Variants in KCNQ5 observed in about 807,000 individuals in gnomAD.
The protein encoded by KCNQ5 is potassium voltage-gated channel subfamily KQT member 5.
Under a neutral mutation model 98.2 loss-of-function variants are expected in KCNQ5, and 30 were observed. That is an observed-to-expected ratio of 0.31 (90% CI 0.23 to 0.41). The LOEUF is 0.41. Among genes scored for constraint, KCNQ5 ranks in the 10% least tolerant of loss-of-function variants. KCNQ5 has a pLI of 1.00. For missense variants in KCNQ5, 835 were observed against 1,182.5 expected (o/e 0.71, Z 4.31); for synonymous variants, 458 against 449.4 (o/e 1.02, Z -0.24).
chr6:73,187,656 TAAAAGA>T (rs1765427527), intron 11 of KCNQ5, among the ~76,000 whole-genome samples: 1 of 151,682 alleles, frequency 6.6e-6, no homozygotes, highest in Admixed American at 6.6e-5. Context: ...TGAAATAACA[TAAAAGA>T]TAATCAGTTT....
At chr6:72,830,904 C>A (rs1051066971) in intron 1 of KCNQ5, among the ~76,000 whole-genome samples, 1 of 151,216 alleles carries the variant, frequency 6.6e-6, no homozygotes, top group African/African-American at 2.4e-5. Context: ...AACAACCCCA[C>A]CAAAAAGTGG....
At chr6:72,930,874 C>G (rs568488803) in intron 1 of KCNQ5, among the ~76,000 whole-genome samples, 36 of 152,206 alleles carry the variant, frequency 2.4e-4, no homozygotes, top group Admixed American at 2.0e-3. Context: ...TGTCCTGTGT[C>G]TTAATACATT....
Position 73,197,681 on chromosome 6 carries a change from G to A in KCNQ5, c.*2267G>A, listed in dbSNP as rs1429166879. 6.7e-6 allele frequency: 1 copy of A among 148,800 alleles called. No individual in the cohort carries two copies. Among genetic ancestry groups the A allele is most frequent in the Non-Finnish European group, 1.5e-5 (1 of 68,120 alleles). The allele number at this position is 148,800 out of a possible 1,614,324, so 9.2% of individuals were successfully genotyped here. ...TAAAGCCAGACACCTGCCGTGACTG[G>A]GCAGGCTCTCTCCCATTATTAACAG... On this transcript the variant is annotated 3_prime_UTR_variant, in exon 14 of 14. Transcript: ENST00000370398.
chr6:72,776,619 A>G lies in KCNQ5; in HGVS notation c.398+154032A>G, dbSNP rs1040770956. ...GATTAGTTCAGCTCCTTAACTTCAC[A>G]TGAAATAACTGAGTGCCAGAGAATT... is the stretch of plus-strand genomic sequence containing the variant. On this transcript the variant is annotated intron_variant, in intron 1 of 13. Coordinates refer to ENST00000370398, the MANE Select transcript of KCNQ5 (RefSeq NM_019842.4). Among the ~76,000 whole-genome samples the G allele has an allele frequency of 1.1e-4, 16 of 152,218 alleles. 1 individual carries two copies. Among genetic ancestry groups the G allele is most frequent in the African/African-American group, 3.6e-4 (15 of 41,470 alleles).
intron 5 of KCNQ5, among the ~76,000 whole-genome samples, chr6:73,095,729 C>G (rs545645167): frequency 6.6e-6 from 1 of 152,086 alleles, no homozygotes; most frequent in African/African-American, 2.4e-5. Flanking sequence ...TTCCAGACTC[C>G]GGGCTGGCAC....
chr6:72,703,553 T>TA (rs911941429), intron 1 of KCNQ5, among the ~76,000 whole-genome samples: 18 of 152,216 alleles, frequency 1.2e-4, no homozygotes, highest in Admixed American at 2.0e-4. Context: ...AACCATTTCT[T>TA]AAAAAATGTT....
intron 1 of KCNQ5, among the ~76,000 whole-genome samples, chr6:72,703,126 A>G (rs759569707): frequency 2.6e-5 from 4 of 152,210 alleles, no homozygotes; most frequent in Non-Finnish European, 4.4e-5. Flanking sequence ...AGCTTTTATT[A>G]GAGCAGACTA....
intron 5 of KCNQ5, among the ~76,000 whole-genome samples, chr6:73,100,761 G>A (rs1043232863): frequency 2.0e-5 from 3 of 151,740 alleles, no homozygotes; most frequent in South Asian, 2.1e-4. Context: ...AAGAAAAAAG[G>A]AGAGAAGACC....
chr6:73,096,336 CAAAAAAAA>C (rs151045845), intron 5 of KCNQ5, among the ~76,000 whole-genome samples: 7 of 115,286 alleles, frequency 6.1e-5, no homozygotes, highest in Admixed American at 9.1e-5. Context: ...GGTCCTTAGG[CAAAAAAAA>C]AAAAAAAAAG....
At chr6:72,864,275 C>A (rs1777884772) in intron 1 of KCNQ5, among the ~76,000 whole-genome samples, 1 of 152,126 alleles carries the variant, frequency 6.6e-6, no homozygotes, top group Non-Finnish European at 1.5e-5. Context: ...TTCCACTTTT[C>A]TTTTTATTAT....
intron 1 of KCNQ5, among the ~76,000 whole-genome samples, chr6:72,980,722 T>C (rs1768399024): frequency 1.3e-5 from 2 of 152,024 alleles, no homozygotes; most frequent in South Asian, 2.1e-4. Flanking sequence ...TCAATAGGAG[T>C]GGTGAGAGAG....
At chr6:73,093,909 C>T (rs1314729439) in intron 5 of KCNQ5, among the ~76,000 whole-genome samples, 1 of 152,102 alleles carries the variant, frequency 6.6e-6, no homozygotes, top group East Asian at 1.9e-4. Flanking sequence ...CTGTATATAT[C>T]TGTTAAGTCT....
At chr6:72,751,646 A>G (rs1335075393) in intron 1 of KCNQ5, among the ~76,000 whole-genome samples, 1 of 152,100 alleles carries the variant, frequency 6.6e-6, no homozygotes, top group Non-Finnish European at 1.5e-5. Flanking sequence ...GCATTTTACC[A>G]TTGACTTTTT....
chr6:72,959,616 T>C (rs994237943), intron 1 of KCNQ5, among the ~76,000 whole-genome samples: 2 of 152,246 alleles, frequency 1.3e-5, no homozygotes, highest in African/African-American at 4.8e-5. Context: ...TTATGTAATA[T>C]GCTGGGCAGC....
At chr6:73,136,750 A>T (rs1418642322) in intron 10 of KCNQ5, 2 of 152,232 alleles carry the variant, frequency 1.3e-5, no homozygotes, top group Non-Finnish European at 2.9e-5. Context: ...ACAAGAAAAA[A>T]AATTAAGTAG....
chr6:73,083,911 T>C (rs879626225), intron 5 of KCNQ5, among the ~76,000 whole-genome samples: 28 of 152,368 alleles, frequency 1.8e-4, no homozygotes, highest in Admixed American at 1.6e-3. Context: ...TGATTCACTT[T>C]TAACACTGTA....
intron 1 of KCNQ5, among the ~76,000 whole-genome samples, chr6:72,710,436 C>T (rs1294399148): frequency 6.6e-6 from 1 of 151,996 alleles, no homozygotes; most frequent in Non-Finnish European, 1.5e-5. Flanking sequence ...CTGTATGCTG[C>T]CTACAAGAGA....
chr6:72,759,096 T>C (rs1034197431), intron 1 of KCNQ5, among the ~76,000 whole-genome samples: 3 of 152,172 alleles, frequency 2.0e-5, no homozygotes, highest in African/African-American at 7.2e-5. Context: ...TACCACGTGA[T>C]ACTTCTTGTT....
chr6:72,625,260 T>C (rs2098917494), intron 1 of KCNQ5, among the ~76,000 whole-genome samples: 1 of 152,228 alleles, frequency 6.6e-6, no homozygotes, highest in Admixed American at 6.5e-5. Context: ...CAAGAGTACA[T>C]ATCCTAGCCT....
Sources: allele counts gnomAD v4.1 joint callset (sites outside exome capture counted in the v4.1 genomes callset), GRCh38; gene constraint gnomAD v4.1.1; transcripts MANE v1.5; gene names NCBI Gene and HGNC (gene_info 2026-07-23, HGNC 2026-07-21).